Variants in CLEC19A observed in about 807,000 individuals in gnomAD.
CLEC19A encodes the protein C-type lectin domain family 19 member A.
CLEC19A carries 21 observed loss-of-function variants against 26.1 expected under a neutral mutation model. The observed-to-expected ratio is 0.80, with a 90% confidence interval of 0.57 to 1.16. The LOEUF (loss-of-function observed/expected upper bound fraction) is 1.16. Among genes scored for constraint, CLEC19A ranks in the 50% most tolerant of loss-of-function variants. The pLI, the probability that CLEC19A is intolerant of heterozygous loss-of-function variation, is 0.00. For synonymous variants in CLEC19A, 89 were observed against 88.6 expected (o/e 1.00, Z -0.03); for missense variants, 224 against 227.6 (o/e 0.98, Z 0.10).
intron 2 of CLEC19A, among the ~76,000 whole-genome samples, chr16:19,301,207 A>G (rs553361851): frequency 1.3e-5 from 2 of 152,342 alleles, no homozygotes; most frequent in South Asian, 2.1e-4. Flanking sequence ...CCTCAGTTGC[A>G]TCAGAAGGAC....
chr16:19,299,438 A>G (rs1897772812), intron 2 of CLEC19A, among the ~76,000 whole-genome samples: 1 of 152,190 alleles, frequency 6.6e-6, no homozygotes, highest in Non-Finnish European at 1.5e-5. Flanking sequence ...GGGAGAAACC[A>G]GTTTTGAAAG....
chr16:19,298,881 C>A, intron 2 of CLEC19A, 43 bp downstream of exon 2: 1 of 1,504,340 alleles, frequency 6.6e-7, no homozygotes, highest in Non-Finnish European at 8.9e-7. Flanking sequence ...CTAAGCACCC[C>A]CTTGGGAAAT....
Position 19,298,673 on chromosome 16 carries a change from C to G in CLEC19A, c.89C>G (p.Ala30Gly), listed in dbSNP as rs1015774277. ...FPQTDISISP[A>G]LPELPLPSLC... ...CAGTCTGTTTCCTTTCTGCCCCCAG[C>G]CCTGCCAGAGCTGCCCCTGCCTTCC... The change falls in exon 2 of 5, where the codon GCC becomes GGC. Residue 30 changes from alanine to glycine, a missense_variant and splice_region_variant. Physicochemically the swap from Ala to Gly is moderately conservative, Grantham distance 60. Coordinates refer to ENST00000636231, the MANE Select transcript of CLEC19A (RefSeq NM_001256720.2). The G allele has an allele frequency of 1.3e-6, 2 of 1,550,940 alleles. No homozygotes were observed. The highest frequency in any genetic ancestry group is 3.9e-5 in the Admixed American group (2 of 51,008).
At chr16:19,291,165 G>T (rs1167428015) in intron 1 of CLEC19A, among the ~76,000 whole-genome samples, 2 of 152,152 alleles carry the variant, frequency 1.3e-5, no homozygotes, top group African/African-American at 2.4e-5. Context: ...CTTAGGTTTG[G>T]TCTTCATAGA....
rs1486937510 is a variant in CLEC19A, at chr16:19,307,579, A to T, written c.383A>T (p.Tyr128Phe). 1 of 1,548,248 alleles carries T rather than the reference A, an allele frequency of 6.5e-7. No homozygotes were observed. Among genetic ancestry groups the T allele is most frequent in the Admixed American group, 2.0e-5 (1 of 50,978 alleles). ...GQFEWTDGSS[Y>F]DYSYWDGSQP... is the part of the protein sequence containing the mutation. ...TTTGAATGGACTGATGGCTCATCCT[A>T]TGACTACAGCTACTGGGATGGCAGC... Residue 128 changes from tyrosine (Y) to phenylalanine (F), a missense_variant, in exon 4 of 5, where the codon TAT (tyrosine) becomes TTT (phenylalanine). Tyr to Phe is a conservative substitution (Grantham distance 22, BLOSUM62 3). Coordinates refer to ENST00000636231, the MANE Select transcript of CLEC19A (RefSeq NM_001256720.2).
intron 1 of CLEC19A, among the ~76,000 whole-genome samples, chr16:19,294,659 A>C (rs535082408): frequency 6.6e-6 from 1 of 152,220 alleles, no homozygotes; most frequent in African/African-American, 2.4e-5. Flanking sequence ...AGTGAGGTCC[A>C]TGTCGTTAAA....
At chr16:19,287,264 C>A (rs1897491491) in intron 1 of CLEC19A, among the ~76,000 whole-genome samples, 1 of 152,112 alleles carries the variant, frequency 6.6e-6, no homozygotes, top group Non-Finnish European at 1.5e-5. Context: ...GGACTCTCTT[C>A]CTGGCTTGCA....
intron 1 of CLEC19A, among the ~76,000 whole-genome samples, chr16:19,290,551 G>A (rs1320673045): frequency 6.6e-6 from 1 of 152,134 alleles, no homozygotes; most frequent in African/African-American, 2.4e-5. Context: ...CCTCTAAGAA[G>A]CCTCCCAGAT....
intron 4 of CLEC19A, among the ~76,000 whole-genome samples, chr16:19,308,214 C>T (rs555091352): frequency 6.6e-6 from 1 of 152,284 alleles, no homozygotes; most frequent in Non-Finnish European, 1.5e-5. Context: ...ATAATTTGTC[C>T]TACCTACAAG....
At position 19,307,533 on chromosome 16, in the gene CLEC19A, G is replaced by A; in HGVS notation, c.349-12G>A. ...GCTTGCTTCTTTGTCTCTTTGGGTGGAACCCTCCCAGGAAGGGCAGTTTGA... is the reference window on the plus strand; with the variant it reads ...GCTTGCTTCTTTGTCTCTTTGGGTGAAACCCTCCCAGGAAGGGCAGTTTGA... On this transcript the variant is annotated splice_polypyrimidine_tract_variant and intron_variant, in intron 3 of 4. Coordinates refer to ENST00000636231, the MANE Select transcript of CLEC19A (RefSeq NM_001256720.2). The A allele has an allele frequency of 6.5e-7, 1 of 1,547,536 alleles. No homozygotes were observed. The highest frequency in any genetic ancestry group is 2.0e-5 in the Admixed American group (1 of 50,972).
rs199852593 is a variant in CLEC19A, at chr16:19,288,565, G to GA, written c.88+2634dup. 4.1e-3 allele frequency among the ~76,000 whole-genome samples: 617 copies of GA among 151,856 alleles called. 5 individuals carry two copies. The highest frequency in any genetic ancestry group is 0.014 in the African/African-American group (578 of 41,402). On this transcript the variant is annotated intron_variant, in intron 1 of 4. Transcript: ENST00000636231. Reference sequence around the variant, plus strand: ...CTCAGCCACCCCCTATGTTTTGGAGGAAAAAAAACTTTTTAGACATCTCTT... The same window carrying GA: ...CTCAGCCACCCCCTATGTTTTGGAGGAAAAAAAAACTTTTTAGACATCTCTT...
intron 1 of CLEC19A, among the ~76,000 whole-genome samples, chr16:19,288,648 T>C (rs179201): frequency 0.6 from 91,576 of 152,054 alleles, 28,285 homozygotes; most frequent in East Asian, 0.91. Context: ...TTTCTCTGAA[T>C]CTGCCTTTGA....
intron 2 of CLEC19A, among the ~76,000 whole-genome samples, chr16:19,303,719 A>G (rs189558246): frequency 3.3e-5 from 5 of 152,302 alleles, no homozygotes; most frequent in African/African-American, 1.2e-4. Flanking sequence ...ATTTTCATTT[A>G]TTTATGTGAT....
intron 1 of CLEC19A, among the ~76,000 whole-genome samples, chr16:19,295,201 T>TTTG (rs200971751): frequency 6.6e-6 from 1 of 151,698 alleles, no homozygotes; most frequent in Admixed American, 6.6e-5. Flanking sequence ...CTCTCAGGGT[T>TTTG]TTGTTGTTGT....
In CLEC19A at chr16:19,307,555, T is replaced by G. The variant is rs1897983148; in HGVS notation, c.359T>G (p.Phe120Cys). ...GTGGAACCCTCCCAGGAAGGGCAGT[T>G]TGAATGGACTGATGGCTCATCCTAT... ...GLHDHRQEGQFEWTDGSSYDY... is the reference protein window; with the variant it reads ...GLHDHRQEGQCEWTDGSSYDY... Residue 120 changes from phenylalanine (F) to cysteine (C), a missense_variant, in exon 4 of 5, where the codon TTT (phenylalanine) becomes TGT (cysteine). Physicochemically the swap from Phe to Cys is radical, Grantham distance 205. Transcript: ENST00000636231. 6.5e-7 allele frequency: 1 copy of G among 1,548,040 alleles called. No homozygotes were observed. The highest frequency in any genetic ancestry group is 8.7e-7 in the Non-Finnish European group (1 of 1,146,746).
At chr16:19,297,311 G>A (rs1597083425) in intron 1 of CLEC19A, among the ~76,000 whole-genome samples, 3 of 152,282 alleles carry the variant, frequency 2.0e-5, no homozygotes, top group East Asian at 3.9e-4. Flanking sequence ...ATTGCAAATT[G>A]AAACAAGATA....
intron 4 of CLEC19A, 129 bp from the exon 5 acceptor site, chr16:19,308,875 A>C (rs1898009620): frequency 1.5e-6 from 1 of 679,348 alleles, no homozygotes; most frequent in Non-Finnish European, 2.6e-6. Flanking sequence ...GTCAAGTATC[A>C]GCAAGAAAGG....
At chr16:19,294,093 C>T (rs770659330) in intron 1 of CLEC19A, among the ~76,000 whole-genome samples, 10 of 151,848 alleles carry the variant, frequency 6.6e-5, no homozygotes, top group Admixed American at 3.3e-4. Flanking sequence ...TGGTAACCAT[C>T]GTTGTACTCT....
intron 2 of CLEC19A, among the ~76,000 whole-genome samples, chr16:19,303,704 T>A (rs1053162332): frequency 6.6e-6 from 1 of 152,220 alleles, no homozygotes; most frequent in Non-Finnish European, 1.5e-5. Context: ...AAATGACTAG[T>A]GGAAATTTTC....
Sources: gnomAD v4.1 joint callset for allele counts (sites outside exome capture counted in the v4.1 genomes callset) on GRCh38, gnomAD v4.1.1 for gene constraint, MANE v1.5 for transcripts, NCBI Gene and HGNC (gene_info 2026-07-23, HGNC 2026-07-21) for gene names.